The following GLRA2 variants were observed in gnomAD, a reference collection of about 807,000 sequenced individuals.
The protein encoded by GLRA2 is glycine receptor subunit alpha-2.
Under a neutral mutation model 31.6 loss-of-function variants are expected in GLRA2, and 11 were observed. The ratio of observed to expected loss-of-function variants is 0.35; its 90% CI spans 0.22 to 0.58. The LOEUF (loss-of-function observed/expected upper bound fraction) is 0.58. Ranked by LOEUF, GLRA2 falls within the 20% of genes least tolerant of loss-of-function variation. The probability of loss-of-function intolerance (pLI) is 0.84; values close to 1 mark genes in which losing one functional copy is unlikely to be tolerated. For synonymous variants in GLRA2, 132 were observed against 134.0 expected (o/e 0.99, Z 0.10); for missense variants, 212 against 351.8 (o/e 0.60, Z 3.18).
chrX:14,694,722 G>C (rs751130925), intron 8 of GLRA2, among the ~76,000 whole-genome samples: 1 of 112,613 alleles, frequency 8.9e-6, no homozygotes, highest in South Asian at 3.6e-4. Flanking sequence ...GCCAGGCACT[G>C]TGTAAATCCT....
At chrX:14,716,297 AC>A (rs1221841909) in intron 8 of GLRA2, among the ~76,000 whole-genome samples, 3 of 111,744 alleles carry the variant, frequency 2.7e-5, no homozygotes, top group African/African-American at 9.8e-5. Flanking sequence ...AAATTGAAGA[AC>A]AAAAAAAAAT....
At chrX:14,534,492 C>T (rs2089297670) in intron 2 of GLRA2, among the ~76,000 whole-genome samples, 1 of 110,680 alleles carries the variant, frequency 9.0e-6, no homozygotes, top group African/African-American at 3.3e-5. Context: ...ATTTAAAACA[C>T]TCCCCATTAT....
At chrX:14,720,036 G>A (rs771062637) in intron 8 of GLRA2, among the ~76,000 whole-genome samples, 1 of 111,706 alleles carries the variant, frequency 9.0e-6, no homozygotes, top group South Asian at 3.8e-4. Context: ...TAGAGGAAGA[G>A]AAGGGTAGAA....
intron 7 of GLRA2, among the ~76,000 whole-genome samples, chrX:14,629,123 C>G (rs2090618206): frequency 9.0e-6 from 1 of 111,543 alleles, no homozygotes; most frequent in South Asian, 3.7e-4. Flanking sequence ...CCAAAGCCAA[C>G]TACTGAAGAC....
At chrX:14,494,214 G>T in the GLRA2 span, among the ~76,000 whole-genome samples, 1 of 111,878 alleles carries the variant, frequency 8.9e-6, no homozygotes, top group East Asian at 2.8e-4. Flanking sequence ...CTATTGAGGT[G>T]CTGGTAATAT....
chrX:14,541,766 T>G (rs1016611490), intron 2 of GLRA2, among the ~76,000 whole-genome samples: 17 of 111,658 alleles, frequency 1.5e-4, no homozygotes, highest in African/African-American at 4.5e-4. Flanking sequence ...TCAGGAAAAT[T>G]TATAAATATA....
chrX:14,621,964 T>A (rs925921876), intron 7 of GLRA2, among the ~76,000 whole-genome samples: 5 of 112,149 alleles, frequency 4.5e-5, no homozygotes, highest in Non-Finnish European at 9.4e-5. Flanking sequence ...CTGTACTAGT[T>A]TACAGTCCCA....
intron 8 of GLRA2, among the ~76,000 whole-genome samples, chrX:14,704,822 A>T (rs1163638969): frequency 9.8e-5 from 11 of 111,885 alleles, no homozygotes; most frequent in Middle Eastern, 4.6e-3. Flanking sequence ...AGGGGCAGAT[A>T]AAAAAAACTG....
intron 2 of GLRA2, among the ~76,000 whole-genome samples, chrX:14,562,702 G>T (rs113385007): frequency 4.4e-4 from 49 of 111,792 alleles, no homozygotes; most frequent in African/African-American, 1.2e-3. Context: ...TCACATGGTC[G>T]TTCCTCTGTG....
intron 7 of GLRA2, among the ~76,000 whole-genome samples, chrX:14,670,287 A>G (rs891919745): frequency 1.8e-5 from 2 of 111,826 alleles, no homozygotes; most frequent in Non-Finnish European, 3.8e-5. Flanking sequence ...AAACTTTCCT[A>G]TATTTTCCTG....
intron 8 of GLRA2, among the ~76,000 whole-genome samples, chrX:14,694,988 T>C (rs2091421402): frequency 8.9e-6 from 1 of 112,138 alleles, no homozygotes; most frequent in Admixed American, 9.5e-5. Flanking sequence ...TTTTATGCTC[T>C]TAAGTTCAGA....
chrX:14,691,775 A>G (rs938300393), intron 8 of GLRA2, among the ~76,000 whole-genome samples: 8 of 111,574 alleles, frequency 7.2e-5, no homozygotes, highest in East Asian at 2.8e-4. Flanking sequence ...TTCCATTTCA[A>G]ACTCTGGGAG....
chrX:14,616,533 G>A (rs1278291703), intron 7 of GLRA2, among the ~76,000 whole-genome samples: 1 of 111,621 alleles, frequency 9.0e-6, no homozygotes, highest in African/African-American at 3.3e-5. Context: ...AATTTAAAAC[G>A]AAAGAGGCCA....
chrX:14,465,866 G>A, the GLRA2 span, among the ~76,000 whole-genome samples: 1 of 111,730 alleles, frequency 9.0e-6, no homozygotes, highest in Non-Finnish European at 1.9e-5. Context: ...GTACAAATAC[G>A]CTGTATGGGA....
At chrX:14,700,351 G>A (rs1014823855) in intron 8 of GLRA2, among the ~76,000 whole-genome samples, 10 of 110,443 alleles carry the variant, frequency 9.1e-5, no homozygotes, top group African/African-American at 3.3e-4. Flanking sequence ...AATGGAAGGG[G>A]AAGGCAGTGT....
chrX:14,500,631 A>G, the GLRA2 span, among the ~76,000 whole-genome samples: 1 of 112,140 alleles, frequency 8.9e-6, no homozygotes, highest in African/African-American at 3.2e-5. Context: ...TACTTTCACC[A>G]GTGTGGAAAC....
chrX:14,729,109 A>T (rs1022584134), intron 8 of GLRA2, among the ~76,000 whole-genome samples: 1 of 112,239 alleles, frequency 8.9e-6, no homozygotes, highest in Non-Finnish European at 1.9e-5. Context: ...TATACCTTTT[A>T]TATGTGGATG....
chrX:14,693,381 G>T (rs1389565049), intron 8 of GLRA2, among the ~76,000 whole-genome samples: 4 of 111,555 alleles, frequency 3.6e-5, no homozygotes, highest in African/African-American at 1.3e-4. Context: ...TAGAAATAGA[G>T]ATATTTCATA....
At chrX:14,722,520 C>A (rs187377094) in intron 8 of GLRA2, among the ~76,000 whole-genome samples, 1 of 111,313 alleles carries the variant, frequency 9.0e-6, no homozygotes, top group South Asian at 3.8e-4. Flanking sequence ...CACTTAGACT[C>A]AAGTGGAGGG....
Sources: allele counts gnomAD v4.1 joint callset (sites outside exome capture counted in the v4.1 genomes callset), GRCh38; gene constraint gnomAD v4.1.1; transcripts MANE v1.5; gene names NCBI Gene and HGNC (gene_info 2026-07-23, HGNC 2026-07-21).